The following SLC37A1 variants were observed in gnomAD, a reference collection of about 807,000 sequenced individuals.
The protein encoded by SLC37A1 is solute carrier family 37 member 1.
In SLC37A1, 49 loss-of-function variants were observed where a neutral mutation model predicts 75.3. The ratio of observed to expected loss-of-function variants is 0.65; its 90% CI spans 0.52 to 0.83. The LOEUF is 0.83. Among genes scored for constraint, SLC37A1 ranks in the 40% least tolerant of loss-of-function variants. The pLI is 0.00. For synonymous variants in SLC37A1, 268 were observed against 292.1 expected (o/e 0.92, Z 0.84); for missense variants, 566 against 695.0 (o/e 0.81, Z 2.09).
upstream of SLC37A1, among the ~76,000 whole-genome samples, chr21:42,510,383 A>C (rs960245205): frequency 3.2e-4 from 49 of 152,240 alleles, 1 homozygote; most frequent in Non-Finnish European, 1.0e-4. Context: ...CAGCAGATAT[A>C]CAAAATGTAA....
chr21:42,506,843 C>A (rs985954658), intron 2 of SLC37A1, among the ~76,000 whole-genome samples: 1 of 152,104 alleles, frequency 6.6e-6, no homozygotes, highest in African/African-American at 2.4e-5. Context: ...AAAACATGAT[C>A]TTGAGTAATA....
At chr21:42,543,273 C>T (rs574673009) in intron 7 of SLC37A1, among the ~76,000 whole-genome samples, 163 bp from the exon 8 acceptor site, 17 of 152,378 alleles carry the variant, frequency 1.1e-4, no homozygotes, top group African/African-American at 3.8e-4. Flanking sequence ...CATCAGCTCT[C>T]GTGAGCATCG....
chr21:42,557,786 T>TTC (rs1454722062), intron 10 of SLC37A1, among the ~76,000 whole-genome samples: 2 of 51,810 alleles, frequency 3.9e-5, no homozygotes, highest in Non-Finnish European at 9.0e-5. Context: ...ACCATTTTCT[T>TTC]TTTTTTTTTT....
chr21:42,541,668 C>T (rs1361683235), intron 6 of SLC37A1, among the ~76,000 whole-genome samples: 2 of 152,222 alleles, frequency 1.3e-5, no homozygotes, highest in Non-Finnish European at 2.9e-5. Flanking sequence ...ACATGCAATT[C>T]ACAAGCCATG....
In SLC37A1 at chr21:42,562,226, C is replaced by T. The variant is rs897676167; in HGVS notation, c.1072+58C>T. On this transcript the variant is annotated intron_variant, in intron 12 of 19. Transcript: ENST00000352133. ...GCACAGTGACTGGGGTCCGAAGTCTCTTCTGTCTGCTGGTTTCTAGAGTAT... is the reference window on the plus strand; with the variant it reads ...GCACAGTGACTGGGGTCCGAAGTCTTTTCTGTCTGCTGGTTTCTAGAGTAT... 4 of 1,450,894 alleles carry T rather than the reference C, an allele frequency of 2.8e-6. No homozygotes were observed. The African/African-American group carries it at 5.6e-5, about 20-fold the overall frequency. 89.9% of individuals were successfully genotyped at this position (1,450,894 alleles called of 1,614,324 possible).
chr21:42,528,887 G>A (rs909569966), intron 3 of SLC37A1, among the ~76,000 whole-genome samples: 1 of 152,130 alleles, frequency 6.6e-6, no homozygotes, highest in African/African-American at 2.4e-5. Flanking sequence ...CTGAAAAGCT[G>A]GAAGTATGTA....
At chr21:42,511,970 T>C (rs1459768618), upstream of SLC37A1, among the ~76,000 whole-genome samples, 1 of 151,500 alleles carries the variant, frequency 6.6e-6, no homozygotes, top group Non-Finnish European at 1.5e-5. Context: ...TTAGGAAAGA[T>C]GAGTAAGTTC....
chr21:42,529,767 A>G (rs182170806), intron 3 of SLC37A1, among the ~76,000 whole-genome samples: 20 of 152,322 alleles, frequency 1.3e-4, no homozygotes, highest in Admixed American at 1.1e-3. Context: ...CCGGTATTCC[A>G]TATGCAAATT....
At chr21:42,512,760 C>T (rs2054450091), upstream of SLC37A1, among the ~76,000 whole-genome samples, 1 of 152,228 alleles carries the variant, frequency 6.6e-6, no homozygotes, top group African/African-American at 2.4e-5. Context: ...CTGCAGAAGG[C>T]TTCTCAAATG....
At chr21:42,519,726 C>T (rs935040630) in intron 2 of SLC37A1, among the ~76,000 whole-genome samples, 4 of 152,212 alleles carry the variant, frequency 2.6e-5, no homozygotes, top group African/African-American at 7.2e-5. Flanking sequence ...TGTTCTTCAA[C>T]CAGATTGCTT....
At chr21:42,538,603 G>A (rs140134402) in intron 5 of SLC37A1, among the ~76,000 whole-genome samples, 179 of 152,278 alleles carry the variant, frequency 1.2e-3, no homozygotes, top group African/African-American at 3.9e-3. Context: ...ACGTCCATCC[G>A]TGATACTCTA....
chr21:42,543,321 C>T lies in SLC37A1; in HGVS notation c.564-115C>T, dbSNP rs142175169. On this transcript the variant is annotated intron_variant, in intron 7 of 19. Transcript: ENST00000352133. Reference sequence around the variant, plus strand: ...GGCACAGAAGCAGGGTCTGCATGGCCCCCCGTTGATTCTGCGCCGACTCCC... The same window carrying T: ...GGCACAGAAGCAGGGTCTGCATGGCTCCCCGTTGATTCTGCGCCGACTCCC... 42 of 1,173,194 alleles carry T rather than the reference C, an allele frequency of 3.6e-5. No individual in the cohort carries two copies. In the African/African-American group the frequency reaches 4.6e-4, roughly 13 times the overall value. The allele number at this position is 1,173,194 out of a possible 1,614,324, so 72.7% of individuals were successfully genotyped here.
intron 7 of SLC37A1, 88 bp downstream of exon 7, chr21:42,542,568 C>T (rs2055310722): frequency 1.6e-6 from 2 of 1,255,776 alleles, no homozygotes; most frequent in African/African-American, 1.5e-5. Context: ...ACAGCAAAAA[C>T]ACTTTAGTAT....
intron 4 of SLC37A1, 51 bp downstream of exon 4, chr21:42,534,881 C>T: frequency 1.3e-6 from 2 of 1,589,670 alleles, no homozygotes; most frequent in Non-Finnish European, 1.7e-6. Context: ...TCCTTCCAGC[C>T]TTGCTATTAA....
chr21:42,515,367 A>T (rs575545763), intron 1 of SLC37A1, among the ~76,000 whole-genome samples: 39 of 135,366 alleles, frequency 2.9e-4, no homozygotes, highest in African/African-American at 1.3e-3. Flanking sequence ...AGACCCAGTT[A>T]AAAAAAAATG....
chr21:42,500,665 G>A (rs372598117), intron 1 of SLC37A1, among the ~76,000 whole-genome samples: 3 of 152,254 alleles, frequency 2.0e-5, no homozygotes, highest in African/African-American at 7.2e-5. Flanking sequence ...AACTGCCAAA[G>A]ATGATTCTGT....
At position 42,534,849 on chromosome 21, in the gene SLC37A1, C is replaced by T. The variant is rs774362908; in HGVS notation, c.271+19C>T. The T allele has an allele frequency of 2.4e-5, 39 of 1,607,662 alleles. No individual in the cohort carries two copies. Among genetic ancestry groups the T allele is most frequent in the East Asian group, 1.1e-4 (5 of 44,694 alleles). ...CCGTTTGGTAAGTCGATTATCGGTC[C>T]GTCCAGGAGCCGAAGCGGCTGTCCT... On this transcript the variant is annotated intron_variant, in intron 4 of 19. Coordinates refer to ENST00000352133, the MANE Select transcript of SLC37A1 (RefSeq NM_001320537.2).
rs17115180 is a variant in SLC37A1, at chr21:42,574,335, G to A, written c.1424-483G>A. Among the ~76,000 whole-genome samples, 1,131 of 152,310 alleles carry A rather than the reference G, an allele frequency of 7.4e-3. 10 individuals are homozygous for A. The highest frequency in any genetic ancestry group is 0.026 in the African/African-American group (1,089 of 41,558). ...ACTCAAGAAAATAATGGGAGTGTTG[G>A]ATGAAAAGAATGAACATTGCAATGT... On this transcript the variant is annotated intron_variant, in intron 17 of 19. Transcript: ENST00000352133.
chr21:42,550,874 C>G (rs141834953), intron 9 of SLC37A1, among the ~76,000 whole-genome samples: 144 of 150,762 alleles, frequency 9.6e-4, no homozygotes, highest in Middle Eastern at 6.9e-3. Context: ...AATCCAGCAC[C>G]CTTTCATGTG....
Sources: gnomAD v4.1 joint callset for allele counts (sites outside exome capture counted in the v4.1 genomes callset) on GRCh38, gnomAD v4.1.1 for gene constraint, MANE v1.5 for transcripts, NCBI Gene and HGNC (gene_info 2026-07-23, HGNC 2026-07-21) for gene names.